The following GALNT13 variants were observed in gnomAD, a reference collection of about 807,000 sequenced individuals.
GALNT13 encodes the protein polypeptide N-acetylgalactosaminyltransferase 13.
GALNT13 carries 28 observed loss-of-function variants against 64.2 expected under a neutral mutation model. The ratio of observed to expected loss-of-function variants is 0.44; its 90% CI spans 0.32 to 0.60. GALNT13 has a LOEUF of 0.60. Among genes scored for constraint, GALNT13 ranks in the 20% least tolerant of loss-of-function variants. The pLI, the probability that GALNT13 is intolerant of heterozygous loss-of-function variation, is 0.05. For missense variants in GALNT13, 577 were observed against 669.8 expected (o/e 0.86, Z 1.53); for synonymous variants, 214 against 224.6 (o/e 0.95, Z 0.42).
Position 154,301,522 on chromosome 2 carries a change from G to C in GALNT13, c.1089G>C (p.Lys363Asn), listed in dbSNP as rs1208975389. The C allele has an allele frequency of 6.2e-7, 1 of 1,613,478 alleles. No homozygotes were observed. The highest frequency in any genetic ancestry group is 2.2e-5 in the East Asian group (1 of 44,840). Residue 363 changes from lysine (K) to asparagine (N), a missense_variant, in exon 9 of 13, where the codon AAG (lysine) becomes AAC (asparagine). Physicochemically the swap from Lys to Asn is moderately conservative, Grantham distance 94. This residue lies in a region of GALNT13 where 232 missense variants were observed against 270.6 expected (regional missense o/e 0.86). Coordinates refer to ENST00000392825, the MANE Select transcript of GALNT13 (RefSeq NM_052917.4). The part of the protein sequence containing the change: ...FPGGTGHVIN[K>N]NNRRLAEVWM... ...GTGGCACTGGTCATGTCATCAACAA[G>C]AACAACAGGAGACTGGCAGAAGTTT...
At chr2:153,248,625 A>G in the GALNT13 span, among the ~76,000 whole-genome samples, 263 of 151,884 alleles carry the variant, frequency 1.7e-3, 1 homozygote, top group African/African-American at 6.1e-3. Flanking sequence ...CATCCTGGCT[A>G]ACACGGTGAA....
At chr2:153,784,545 C>T in the GALNT13 span, among the ~76,000 whole-genome samples, 1 of 152,222 alleles carries the variant, frequency 6.6e-6, no homozygotes, top group Non-Finnish European at 1.5e-5. Context: ...CAGATTGATG[C>T]ATGTCCTTAA....
the GALNT13 span, among the ~76,000 whole-genome samples, chr2:153,745,449 C>A: frequency 6.6e-6 from 1 of 152,188 alleles, no homozygotes; most frequent in East Asian, 1.9e-4. Context: ...TTGGTTTGGG[C>A]ACCTGATGAA....
chr2:153,103,226 C>T, the GALNT13 span, among the ~76,000 whole-genome samples: 91 of 152,310 alleles, frequency 6.0e-4, no homozygotes, highest in Middle Eastern at 3.4e-3. Context: ...CTGACCTCAA[C>T]CTTTCTGTGC....
Position 154,453,859 on chromosome 2 carries a change from C to CA in GALNT13, c.*3311dup, listed in dbSNP as rs1209798801. The CA allele has an allele frequency of 1.3e-5, 2 of 152,094 alleles. No individual in the cohort carries two copies. Among genetic ancestry groups the CA allele is most frequent in the Non-Finnish European group, 2.9e-5 (2 of 68,016 alleles). 9.4% of individuals were successfully genotyped at this position (152,094 alleles called of 1,614,324 possible). A position where few individuals can be genotyped will look rare whatever the true frequency, so the allele number is the denominator to read the frequency against. The stretch of plus-strand genomic sequence containing the variant: ...ACAGGATTTCCAAAAACTTTGTCTT[C>CA]AAATTTTAATTTTCTTCCTAATATT... On this transcript the variant is annotated 3_prime_UTR_variant, in exon 13 of 13. Transcript: ENST00000392825.
At chr2:154,333,605 C>T (rs1476851868) in intron 9 of GALNT13, among the ~76,000 whole-genome samples, 2 of 151,934 alleles carry the variant, frequency 1.3e-5, no homozygotes, top group Admixed American at 6.6e-5. Flanking sequence ...CTTGTCTTTC[C>T]CCTATTTTAT....
the GALNT13 span, among the ~76,000 whole-genome samples, chr2:153,438,666 T>G: frequency 6.6e-6 from 1 of 152,244 alleles, no homozygotes; most frequent in Non-Finnish European, 1.5e-5. Context: ...TGCCATGGTT[T>G]TCAGCTCCAT....
At chr2:153,346,392 T>C in the GALNT13 span, among the ~76,000 whole-genome samples, 1 of 152,190 alleles carries the variant, frequency 6.6e-6, no homozygotes, top group Non-Finnish European at 1.5e-5. Context: ...TGTCTTCTAA[T>C]CATAGATAAT....
At chr2:153,812,567 C>G in the GALNT13 span, among the ~76,000 whole-genome samples, 1 of 152,044 alleles carries the variant, frequency 6.6e-6, no homozygotes, top group Non-Finnish European at 1.5e-5. Context: ...TCTTTATAGC[C>G]CATTCTTACC....
chr2:154,356,441 T>G (rs887496028), intron 9 of GALNT13, among the ~76,000 whole-genome samples: 1 of 151,930 alleles, frequency 6.6e-6, no homozygotes, highest in Non-Finnish European at 1.5e-5. Flanking sequence ...GAAATCAATA[T>G]AGCAATAAAG....
intron 3 of GALNT13, among the ~76,000 whole-genome samples, chr2:154,133,929 C>G (rs1370953923): frequency 6.6e-6 from 1 of 152,084 alleles, no homozygotes; most frequent in Non-Finnish European, 1.5e-5. Flanking sequence ...GCAAATGGCT[C>G]TCTTCCAAGC....
At chr2:153,394,955 G>T in the GALNT13 span, among the ~76,000 whole-genome samples, 2 of 151,994 alleles carry the variant, frequency 1.3e-5, no homozygotes, top group African/African-American at 4.8e-5. Flanking sequence ...GGAAAGATCC[G>T]ATCCCAAGCT....
chr2:154,024,345 G>C lies in GALNT13; in HGVS notation c.142+79706G>C, dbSNP rs570027831. ...CTTTCAGGTACACCAATCAGACATA[G>C]ATTTGGTCTTTTCACATAGTCCCAT... is the stretch of plus-strand genomic sequence containing the variant. On this transcript the variant is annotated intron_variant, in intron 3 of 12. Coordinates refer to ENST00000392825, the MANE Select transcript of GALNT13 (RefSeq NM_052917.4). Among the ~76,000 whole-genome samples, 1,031 of 152,268 alleles carry C rather than the reference G, an allele frequency of 6.8e-3. 15 individuals are homozygous for C. The highest frequency in any genetic ancestry group is 0.024 in the African/African-American group (1,000 of 41,534).
intron 9 of GALNT13, among the ~76,000 whole-genome samples, chr2:154,388,713 AAGG>A (rs200643418): frequency 0.028 from 4,211 of 152,240 alleles, 78 homozygotes; most frequent in Middle Eastern, 0.051. Context: ...TTATTTTAAA[AAGG>A]AGAAAAATGC....
At chr2:154,178,110 T>C (rs890523441) in intron 4 of GALNT13, among the ~76,000 whole-genome samples, 1 of 152,140 alleles carries the variant, frequency 6.6e-6, no homozygotes, top group Non-Finnish European at 1.5e-5. Context: ...CTGTGATTAT[T>C]GCTGCAGCTG....
chr2:153,709,921 A>T, the GALNT13 span, among the ~76,000 whole-genome samples: 3 of 152,034 alleles, frequency 2.0e-5, no homozygotes, highest in Non-Finnish European at 2.9e-5. Flanking sequence ...TTATAAATGG[A>T]ATCTAAAACA....
chr2:153,632,397 CT>C, the GALNT13 span, among the ~76,000 whole-genome samples: 1 of 152,062 alleles, frequency 6.6e-6, no homozygotes, highest in African/African-American at 2.4e-5. Context: ...GTTTACATTC[CT>C]TTGTGTGGTG....
In GALNT13 at chr2:153,944,497, C is replaced by T; in HGVS notation, c.-1C>T. ...GTGTTAACTAGAAATCAAGGAAAGA[C>T]ATGAGGAGATTTGTCTACTGCAAGG... On this transcript the variant is annotated 5_prime_UTR_variant, in exon 3 of 13. Coordinates refer to ENST00000392825, the MANE Select transcript of GALNT13 (RefSeq NM_052917.4). The T allele has an allele frequency of 6.2e-7, 1 of 1,612,100 alleles. No homozygotes were observed. Among genetic ancestry groups the T allele is most frequent in the Non-Finnish European group, 8.5e-7 (1 of 1,178,984 alleles).
At chr2:154,130,983 A>T (rs112890820) in intron 3 of GALNT13, among the ~76,000 whole-genome samples, 1,583 of 152,258 alleles carry the variant, frequency 0.01, 31 homozygotes, top group African/African-American at 0.036. Flanking sequence ...ATTTCAAAAA[A>T]AAATTTTTTT....
Sources: allele counts gnomAD v4.1 joint callset (sites outside exome capture counted in the v4.1 genomes callset), GRCh38; gene constraint gnomAD v4.1.1; regional missense constraint gnomAD v4.1.1; transcripts MANE v1.5; gene names NCBI Gene and HGNC (gene_info 2026-07-23, HGNC 2026-07-21).